DNER: variants seen among roughly 807,000 people sequenced by gnomAD.
The protein encoded by DNER is delta/notch like EGF repeat containing.
Under a neutral mutation model 78.2 loss-of-function variants are expected in DNER, and 33 were observed. That is an observed-to-expected ratio of 0.42 (90% CI 0.32 to 0.56). The LOEUF (loss-of-function observed/expected upper bound fraction) is 0.56. Ranked by LOEUF, DNER falls within the 20% of genes least tolerant of loss-of-function variation. The pLI is 0.11. For synonymous variants in DNER, 417 were observed against 384.8 expected, an observed-to-expected ratio of 1.08 and a Z score of -0.98; for missense variants, 918 against 975.3, an observed-to-expected ratio of 0.94 and a Z score of 0.78.
At chr2:229,466,223 G>A (rs1397837552) in intron 7 of DNER, among the ~76,000 whole-genome samples, 1 of 152,074 alleles carries the variant, frequency 6.6e-6, no homozygotes. Flanking sequence ...AGGTCTACCT[G>A]AGCCGACTCC....
chr2:229,587,868 T>A (rs1697530837), intron 3 of DNER, among the ~76,000 whole-genome samples: 2 of 152,034 alleles, frequency 1.3e-5, no homozygotes, highest in Non-Finnish European at 2.9e-5. Context: ...TCCCCACCGG[T>A]GACAATGGAC....
At chr2:229,508,483 A>G (rs1695788780) in intron 6 of DNER, among the ~76,000 whole-genome samples, 3 of 152,228 alleles carry the variant, frequency 2.0e-5, no homozygotes, top group African/African-American at 7.2e-5. Context: ...AGAGAATTGC[A>G]TGCATGATAC....
At chr2:229,507,871 T>C (rs1695777072) in intron 6 of DNER, among the ~76,000 whole-genome samples, 1 of 152,220 alleles carries the variant, frequency 6.6e-6, no homozygotes, top group African/African-American at 2.4e-5. Flanking sequence ...ATAAATGTAT[T>C]AACCAGAAAA....
intron 6 of DNER, among the ~76,000 whole-genome samples, chr2:229,479,838 A>C (rs2154211404): frequency 6.6e-6 from 1 of 152,182 alleles, no homozygotes; most frequent in East Asian, 1.9e-4. Flanking sequence ...CCCTGACTTT[A>C]AAGATTCTAC....
intron 11 of DNER, among the ~76,000 whole-genome samples, chr2:229,368,970 A>C (rs932948282): frequency 2.6e-5 from 4 of 152,230 alleles, no homozygotes; most frequent in Non-Finnish European, 1.5e-5. Flanking sequence ...ACATTATTTA[A>C]AGAAGACATT....
At chr2:229,679,676 C>T (rs575399432) in intron 1 of DNER, among the ~76,000 whole-genome samples, 4 of 152,302 alleles carry the variant, frequency 2.6e-5, no homozygotes, top group African/African-American at 9.6e-5. Context: ...CCTTATTCTG[C>T]CTGTCTGATG....
chr2:229,535,246 T>G (rs1696379631), intron 5 of DNER, among the ~76,000 whole-genome samples: 1 of 152,244 alleles, frequency 6.6e-6, no homozygotes, highest in South Asian at 2.1e-4. Flanking sequence ...GTAAGGGATC[T>G]TGAGACCAAA....
chr2:229,418,072 G>C (rs1041979812), intron 9 of DNER, 36 bp downstream of exon 9: 1 of 1,613,934 alleles, frequency 6.2e-7, no homozygotes, highest in African/African-American at 1.3e-5. Flanking sequence ...GTCATTTAGA[G>C]CCATTCTGGC....
At chr2:229,431,447 A>G (rs1418975722) in intron 8 of DNER, among the ~76,000 whole-genome samples, 1 of 152,082 alleles carries the variant, frequency 6.6e-6, no homozygotes, top group Non-Finnish European at 1.5e-5. Flanking sequence ...TGGCTTCAGG[A>G]CTAGGTTACA....
chr2:229,642,988 C>T (rs779825629), intron 1 of DNER, among the ~76,000 whole-genome samples: 2 of 152,024 alleles, frequency 1.3e-5, no homozygotes, highest in Admixed American at 1.3e-4. Flanking sequence ...CTTTGGGAGG[C>T]GGGTGGATCA....
At chr2:229,607,872 A>G (rs1697968245) in intron 1 of DNER, among the ~76,000 whole-genome samples, 1 of 151,922 alleles carries the variant, frequency 6.6e-6, no homozygotes, top group Non-Finnish European at 1.5e-5. Context: ...AAAATACAAA[A>G]TTAACCGGGC....
intron 4 of DNER, among the ~76,000 whole-genome samples, chr2:229,569,946 C>A (rs184595401): frequency 6.6e-6 from 1 of 152,040 alleles, no homozygotes; most frequent in Non-Finnish European, 1.5e-5. Context: ...TAAAACAAGT[C>A]GAAACCAAAC....
rs1158297826 is a variant in DNER at position 229,434,018 on chromosome 2, A to G, written c.1486+13298T>C. ...TTTTGCAAACCAAAAATTGGGAACC[A>G]TGATCTGACAAAGTTGCGCTGTTTC... On this transcript the variant is annotated intron_variant, in intron 8 of 12. Transcript: ENST00000341772. Among the ~76,000 whole-genome samples, 3 of 152,252 alleles carry G rather than the reference A, an allele frequency of 2.0e-5. No homozygotes were observed. The East Asian group carries it at 5.8e-4, about 29-fold the overall frequency.
At chr2:229,638,164 G>A (rs550412583) in intron 1 of DNER, among the ~76,000 whole-genome samples, 1 of 152,250 alleles carries the variant, frequency 6.6e-6, no homozygotes, top group South Asian at 2.1e-4. Context: ...CGCAATCCTA[G>A]TCACAATCCT....
At chr2:229,397,671 A>C (rs1374330658) in intron 10 of DNER, among the ~76,000 whole-genome samples, 1 of 152,190 alleles carries the variant, frequency 6.6e-6, no homozygotes, top group Non-Finnish European at 1.5e-5. Context: ...GAAATCGTAG[A>C]GTGTTCTCTC....
chr2:229,482,276 TGGTCGC>T (rs1403896287), intron 6 of DNER, among the ~76,000 whole-genome samples: 4 of 152,346 alleles, frequency 2.6e-5, no homozygotes, highest in East Asian at 3.9e-4. Flanking sequence ...ACTCCAGCAA[TGGTCGC>T]CCAGCCCCTG....
At chr2:229,378,448 C>G (rs929897702) in intron 11 of DNER, among the ~76,000 whole-genome samples, 1 of 152,158 alleles carries the variant, frequency 6.6e-6, no homozygotes, top group Non-Finnish European at 1.5e-5. Context: ...CAGGGATGAC[C>G]TTGACCTGCT....
intron 1 of DNER, among the ~76,000 whole-genome samples, chr2:229,666,035 T>C (rs1208870943): frequency 2.0e-5 from 3 of 152,198 alleles, no homozygotes; most frequent in African/African-American, 7.2e-5. Flanking sequence ...GGTATCCAAA[T>C]CCAGACTCCA....
At chr2:229,643,949 C>G in intron 1 of DNER, among the ~76,000 whole-genome samples, 1 of 152,100 alleles carries the variant, frequency 6.6e-6, no homozygotes, top group Non-Finnish European at 1.5e-5. Flanking sequence ...AGGGTAAGAA[C>G]CACGCAAATG....
Sources: gnomAD v4.1 joint callset for allele counts (sites outside exome capture counted in the v4.1 genomes callset) on GRCh38, gnomAD v4.1.1 for gene constraint, MANE v1.5 for transcripts, NCBI Gene and HGNC (gene_info 2026-07-23, HGNC 2026-07-21) for gene names.